The following CSMD1 variants were observed in gnomAD, a reference collection of about 807,000 sequenced individuals.
CSMD1 encodes CUB and sushi domain-containing protein 1.
A neutral mutation model predicts 417.5 loss-of-function variants in CSMD1; 213 were observed. That is an observed-to-expected ratio of 0.51 (90% CI 0.46 to 0.57). CSMD1 has a LOEUF of 0.57. Among genes scored for constraint, CSMD1 ranks in the 20% least tolerant of loss-of-function variants. The pLI is 0.00. For synonymous variants in CSMD1, 2,862 were observed against 1,736.8 expected (o/e 1.65, Z -16.11); for missense variants, 6,923 against 4,529.7 (o/e 1.53, Z -15.17).
chr8:3,003,658 G>T (rs1425986300), intron 52 of CSMD1, among the ~76,000 whole-genome samples: 1 of 152,118 alleles, frequency 6.6e-6, no homozygotes, highest in Non-Finnish European at 1.5e-5. Flanking sequence ...AGACACAATC[G>T]CAGAGGGTAA....
chr8:3,401,166 C>A (rs983525341), intron 15 of CSMD1, among the ~76,000 whole-genome samples: 5 of 151,674 alleles, frequency 3.3e-5, no homozygotes, highest in African/African-American at 1.2e-4. Context: ...GTTTAACCAT[C>A]CAAAGATACT....
chr8:4,904,825 T>A (rs1160403095), intron 1 of CSMD1, among the ~76,000 whole-genome samples: 1 of 152,224 alleles, frequency 6.6e-6, no homozygotes, highest in African/African-American at 2.4e-5. Context: ...AAGTCTGGCA[T>A]GAAGATCCCT....
chr8:3,151,529 G>A lies in CSMD1; in HGVS notation c.5915-16C>T, dbSNP rs753072288. 13 of 1,535,860 alleles carry A rather than the reference G, an allele frequency of 8.5e-6. No individual in the cohort carries two copies. The highest frequency in any genetic ancestry group is 9.0e-6 in the Non-Finnish European group (10 of 1,113,156). On this transcript the variant is annotated splice_polypyrimidine_tract_variant and intron_variant, in intron 39 of 69. Coordinates refer to ENST00000635120, the MANE Select transcript of CSMD1 (RefSeq NM_033225.6). Reference sequence around the variant, plus strand: ...CCACAGGTTGCTGTTAAGTGGACAAGATGTCAGTCCTGCAGGTCCTCACTT... The same window carrying A: ...CCACAGGTTGCTGTTAAGTGGACAAAATGTCAGTCCTGCAGGTCCTCACTT...
chr8:4,592,221 G>C (rs1298357723), intron 2 of CSMD1, among the ~76,000 whole-genome samples: 2 of 150,874 alleles, frequency 1.3e-5, no homozygotes, highest in Non-Finnish European at 2.9e-5. Flanking sequence ...CTTTAATTGT[G>C]CCTCTTATTA....
chr8:3,923,925 A>G (rs1215362247), intron 5 of CSMD1, among the ~76,000 whole-genome samples: 3 of 152,164 alleles, frequency 2.0e-5, no homozygotes, highest in African/African-American at 7.2e-5. Flanking sequence ...TTCATAAAAG[A>G]GTTAGATTTT....
chr8:4,710,706 A>C (rs7003562), intron 1 of CSMD1, among the ~76,000 whole-genome samples: 14,887 of 151,574 alleles, frequency 0.098, 1,219 homozygotes, highest in African/African-American at 0.23. Flanking sequence ...TTAGCCCAGC[A>C]TGGGGCCACA....
chr8:4,728,315 G>A (rs1388508567), intron 1 of CSMD1, among the ~76,000 whole-genome samples: 1 of 151,538 alleles, frequency 6.6e-6, no homozygotes, highest in African/African-American at 2.4e-5. Flanking sequence ...ATATATTTTA[G>A]TGGTTCTCTT....
At chr8:3,998,622 C>G (rs1815413229) in intron 4 of CSMD1, among the ~76,000 whole-genome samples, 1 of 152,090 alleles carries the variant, frequency 6.6e-6, no homozygotes, top group East Asian at 1.9e-4. Flanking sequence ...ATAAAAGAGG[C>G]ACATCACCTC....
chr8:4,124,037 G>A (rs1348393904), intron 3 of CSMD1, among the ~76,000 whole-genome samples: 1 of 151,306 alleles, frequency 6.6e-6, no homozygotes, highest in Non-Finnish European at 1.5e-5. Context: ...TTTCTACATT[G>A]CATTCCGGAA....
At chr8:4,201,707 G>C (rs1312183147) in intron 3 of CSMD1, among the ~76,000 whole-genome samples, 2 of 151,978 alleles carry the variant, frequency 1.3e-5, no homozygotes, top group East Asian at 3.9e-4. Context: ...AGAAAATGAA[G>C]AGCTAGGAAA....
chr8:3,620,702 C>G (rs989688430), intron 7 of CSMD1, among the ~76,000 whole-genome samples: 2 of 151,982 alleles, frequency 1.3e-5, no homozygotes, highest in South Asian at 2.1e-4. Flanking sequence ...CGTGACACTA[C>G]AAAAATATCA....
intron 49 of CSMD1, among the ~76,000 whole-genome samples, chr8:3,076,731 T>C (rs1585288974): frequency 6.6e-6 from 1 of 152,184 alleles, no homozygotes. Flanking sequence ...TGAGCCAAAT[T>C]CATTTCTCCA....
At chr8:4,024,215 C>G (rs1430820247) in intron 4 of CSMD1, among the ~76,000 whole-genome samples, 2 of 151,990 alleles carry the variant, frequency 1.3e-5, no homozygotes, top group South Asian at 2.1e-4. Context: ...ACATGGGAAA[C>G]AGAAGTGATG....
Position 4,238,073 on chromosome 8 carries a change from G to C in CSMD1, c.415+181880C>G, listed in dbSNP as rs187759437. On this transcript the variant is annotated intron_variant, in intron 3 of 69. Coordinates refer to ENST00000635120, the MANE Select transcript of CSMD1 (RefSeq NM_033225.6). ...TTTTCTACCCTAGGAGGCCTCAAGA[G>C]ATTGTAAACGTTTTAAGATTGAGAC... Among the ~76,000 whole-genome samples, 30 of 152,200 alleles carry C rather than the reference G, an allele frequency of 2.0e-4. No individual in the cohort carries two copies. In the South Asian group the frequency reaches 3.5e-3, roughly 18 times the overall value.
intron 7 of CSMD1, among the ~76,000 whole-genome samples, chr8:3,691,236 C>A (rs1800223582): frequency 6.6e-6 from 1 of 151,952 alleles, no homozygotes; most frequent in African/African-American, 2.4e-5. Flanking sequence ...GGCACGGTAA[C>A]AGGCACCTGT....
At chr8:4,433,092 T>G (rs1163833995) in intron 2 of CSMD1, among the ~76,000 whole-genome samples, 2 of 152,192 alleles carry the variant, frequency 1.3e-5, no homozygotes, top group Non-Finnish European at 2.9e-5. Flanking sequence ...TGATGATCTG[T>G]CATTGTCTCC....
At chr8:3,855,988 A>C (rs1804281628) in intron 5 of CSMD1, among the ~76,000 whole-genome samples, 1 of 152,158 alleles carries the variant, frequency 6.6e-6, no homozygotes. Flanking sequence ...TGTCAGTATT[A>C]ATCAATTTTT....
At chr8:3,064,228 T>A (rs1812771516) in intron 49 of CSMD1, among the ~76,000 whole-genome samples, 1 of 152,194 alleles carries the variant, frequency 6.6e-6, no homozygotes, top group Non-Finnish European at 1.5e-5. Context: ...AAAGATATGA[T>A]TTGGATTTGT....
intron 3 of CSMD1, among the ~76,000 whole-genome samples, chr8:4,177,801 C>A (rs1421711115): frequency 6.6e-6 from 1 of 151,648 alleles, no homozygotes; most frequent in Non-Finnish European, 1.5e-5. Context: ...ACTACAAACA[C>A]CTCTACGCAA....
Sources: gnomAD v4.1 joint callset for allele counts (sites outside exome capture counted in the v4.1 genomes callset) on GRCh38, gnomAD v4.1.1 for gene constraint, MANE v1.5 for transcripts, NCBI Gene and HGNC (gene_info 2026-07-23, HGNC 2026-07-21) for gene names.